PLD1: variants seen among roughly 807,000 people sequenced by gnomAD.
The protein encoded by PLD1 is choline phosphatase 1.
A neutral mutation model predicts 137.1 loss-of-function variants in PLD1; 112 were observed. The ratio of observed to expected loss-of-function variants is 0.82; its 90% CI spans 0.70 to 0.96. PLD1 has a LOEUF of 0.96. Among genes scored for constraint, PLD1 ranks in the 40% least tolerant of loss-of-function variants. The pLI, the probability that PLD1 is intolerant of heterozygous loss-of-function variation, is 0.00. For missense variants in PLD1, 1,321 were observed against 1,342.0 expected (o/e 0.98, Z 0.24); for synonymous variants, 431 against 454.7 (o/e 0.95, Z 0.66).
At chr3:171,790,572 A>G (rs765551417) in intron 1 of PLD1, among the ~76,000 whole-genome samples, 31 of 152,230 alleles carry the variant, frequency 2.0e-4, no homozygotes, top group Non-Finnish European at 3.7e-4. Flanking sequence ...AGAGATGCAC[A>G]GTGAGGTGTG....
intron 16 of PLD1, among the ~76,000 whole-genome samples, chr3:171,684,612 G>C (rs189394039): frequency 7.6e-4 from 115 of 152,218 alleles, no homozygotes; most frequent in Non-Finnish European, 1.4e-3. Flanking sequence ...TTTTGTGTGT[G>C]TGAGAGAGGG....
At chr3:171,763,830 CTTTTTTTTTT>C (rs71178234) in intron 1 of PLD1, among the ~76,000 whole-genome samples, 1 of 86,740 alleles carries the variant, frequency 1.2e-5, no homozygotes, top group Admixed American at 1.2e-4. Context: ...TTCTTTCTTT[CTTTTTTTTTT>C]TTTTTTTTTT....
In PLD1 at chr3:171,630,839, G is replaced by A. The variant is rs1302552238; in HGVS notation, c.2594-10319C>T. Among the ~76,000 whole-genome samples, 6 of 130,286 alleles carry A rather than the reference G, an allele frequency of 4.6e-5. No homozygotes were observed. The Admixed American group carries it at 4.9e-4, about 11-fold the overall frequency. 85.5% of individuals were successfully genotyped at this position (130,286 alleles called of 152,430 possible). ...TGAGAACACACGGACACAGGAAGGGGAACATCACACTCTGGGGACTGTTGT... is the reference window on the plus strand; with the variant it reads ...TGAGAACACACGGACACAGGAAGGGAAACATCACACTCTGGGGACTGTTGT... On this transcript the variant is annotated intron_variant, in intron 23 of 26. Coordinates refer to ENST00000351298, the MANE Select transcript of PLD1 (RefSeq NM_002662.5).
rs944731543 is a variant in PLD1 at position 171,603,215 on chromosome 3, G to A, written c.3088C>T (p.Pro1030Ser). The A allele has an allele frequency of 2.5e-6, 4 of 1,614,004 alleles. No homozygotes were observed. Among genetic ancestry groups the A allele is most frequent in the African/African-American group, 1.3e-5 (1 of 75,036 alleles). Reference sequence around the variant, plus strand: ...TTCAGTTCCTCCTCAGCTCGAATGGGATCTTCCTTAGCTAATACGGGCTTG... The same window carrying A: ...TTCAGTTCCTCCTCAGCTCGAATGGAATCTTCCTTAGCTAATACGGGCTTG... ...INKPVLAKEDPIRAEEELKKI... is the reference protein window; with the variant it reads ...INKPVLAKEDSIRAEEELKKI... The change falls in exon 27 of 27, where the codon CCC (proline) becomes TCC (serine). Residue 1030 changes from proline to serine, a missense_variant. Coordinates refer to ENST00000351298, the MANE Select transcript of PLD1 (RefSeq NM_002662.5).
At position 171,612,083 on chromosome 3, in the gene PLD1, A is replaced by G. The variant is rs1397786711; in HGVS notation, c.2882+196T>C. ...CTGCACGTGACAGTAATAAAAAGCT[A>G]TTAAAATAAAAAATATTCATGTACC... On this transcript the variant is annotated intron_variant, in intron 25 of 26. Coordinates refer to ENST00000351298, the MANE Select transcript of PLD1 (RefSeq NM_002662.5). This position sits in a 1 kb window ranked among gnomAD's most constrained non-coding sequence, Gnocchi z 4.1. 6.6e-6 allele frequency among the ~76,000 whole-genome samples: 1 copy of G among 152,196 alleles called. No homozygotes were observed. Among genetic ancestry groups the G allele is most frequent in the Non-Finnish European group, 1.5e-5 (1 of 68,026 alleles).
At chr3:171,749,406 C>T (rs920584398) in intron 1 of PLD1, among the ~76,000 whole-genome samples, 1 of 152,172 alleles carries the variant, frequency 6.6e-6, no homozygotes, top group African/African-American at 2.4e-5. Context: ...TTAAAAGGGA[C>T]TAAATAACCA....
At chr3:171,638,707 T>C (rs1212463382) in intron 23 of PLD1, among the ~76,000 whole-genome samples, 1 of 152,240 alleles carries the variant, frequency 6.6e-6, no homozygotes, top group Non-Finnish European at 1.5e-5. Flanking sequence ...GGAGTTTGTG[T>C]CTTTAATACA....
intron 1 of PLD1, among the ~76,000 whole-genome samples, chr3:171,766,803 T>A (rs1476171318): frequency 6.6e-6 from 1 of 152,222 alleles, no homozygotes; most frequent in Admixed American, 6.5e-5. Flanking sequence ...TCAGAATTTT[T>A]ATTTTTTCGT....
chr3:171,800,797 C>T (rs1355806317), intron 1 of PLD1, among the ~76,000 whole-genome samples: 2 of 152,160 alleles, frequency 1.3e-5, no homozygotes, highest in Non-Finnish European at 1.5e-5. Context: ...CCTGCTTCCC[C>T]AGAGGCTGCC....
chr3:171,749,388 C>T (rs973920419), intron 1 of PLD1, among the ~76,000 whole-genome samples: 4 of 152,200 alleles, frequency 2.6e-5, no homozygotes, highest in African/African-American at 7.2e-5. Context: ...GCGAGCTACA[C>T]TGCCTATTTA....
At chr3:171,622,965 ATAAACT>A (rs1733763820) in intron 23 of PLD1, among the ~76,000 whole-genome samples, 1 of 152,074 alleles carries the variant, frequency 6.6e-6, no homozygotes, top group African/African-American at 2.4e-5. Flanking sequence ...AATAAAAGAG[ATAAACT>A]TAATGGTTCA....
At chr3:171,657,008 C>T (rs1264455629) in intron 21 of PLD1, among the ~76,000 whole-genome samples, 1 of 152,164 alleles carries the variant, frequency 6.6e-6, no homozygotes. Context: ...TCCTAACCAT[C>T]AATGCACTAG....
intron 1 of PLD1, among the ~76,000 whole-genome samples, chr3:171,801,315 A>C (rs1723636257): frequency 6.6e-6 from 1 of 152,280 alleles, no homozygotes; most frequent in Non-Finnish European, 1.5e-5. Context: ...TTGGCCTTCC[A>C]GGCAATGGAT....
intron 23 of PLD1, among the ~76,000 whole-genome samples, chr3:171,640,242 T>C (rs1735625797): frequency 6.6e-6 from 1 of 151,950 alleles, no homozygotes; most frequent in Non-Finnish European, 1.5e-5. Context: ...TTTCCTAAAA[T>C]GTAAGGTTAG....
chr3:171,704,906 G>C (rs1716550738), intron 11 of PLD1, among the ~76,000 whole-genome samples: 1 of 152,242 alleles, frequency 6.6e-6, no homozygotes, highest in African/African-American at 2.4e-5. Context: ...GCACCAGTTA[G>C]ACTCTCATAA....
intron 13 of PLD1, among the ~76,000 whole-genome samples, chr3:171,689,340 G>A (rs1309517926): frequency 6.6e-6 from 1 of 152,008 alleles, no homozygotes; most frequent in Non-Finnish European, 1.5e-5. Flanking sequence ...TAGATATTTT[G>A]GCAGCTCTTT....
At chr3:171,657,248 G>A (rs1478236614) in intron 21 of PLD1, among the ~76,000 whole-genome samples, 1 of 152,136 alleles carries the variant, frequency 6.6e-6, no homozygotes, top group Non-Finnish European at 1.5e-5. Context: ...AGATAATGTA[G>A]TTATAAACTG....
At chr3:171,647,025 C>T (rs781731616) in intron 21 of PLD1, among the ~76,000 whole-genome samples, 8 of 152,162 alleles carry the variant, frequency 5.3e-5, no homozygotes, top group African/African-American at 1.2e-4. Context: ...ATTCTTGCCT[C>T]GGCACTCATA....
At chr3:171,720,873 T>C (rs1262015873) in intron 8 of PLD1, among the ~76,000 whole-genome samples, 1 of 152,172 alleles carries the variant, frequency 6.6e-6, no homozygotes, top group Non-Finnish European at 1.5e-5. Context: ...CCCTCACCTT[T>C]CCTAGCTGTT....
Sources: gnomAD v4.1 joint callset for allele counts (sites outside exome capture counted in the v4.1 genomes callset) on GRCh38, gnomAD v4.1.1 for gene constraint, Gnocchi (gnomAD v3.1) non-coding constraint, MANE v1.5 for transcripts, NCBI Gene and HGNC (gene_info 2026-07-23, HGNC 2026-07-21) for gene names.